The following BOC variants were observed in gnomAD, a reference collection of about 807,000 sequenced individuals.
BOC encodes BOC cell adhesion associated, oncogene regulated, also known as brother of CDO.
Under a neutral mutation model 112.0 loss-of-function variants are expected in BOC, and 76 were observed. That is an observed-to-expected ratio of 0.68 (90% CI 0.56 to 0.82). BOC has a LOEUF of 0.82. BOC is among the 40% of genes least tolerant of loss of function. The pLI is 0.00. For synonymous variants in BOC, 580 were observed against 599.8 expected (o/e 0.97, Z 0.48); for missense variants, 1,309 against 1,511.7 (o/e 0.87, Z 2.22).
chr3:113,286,247 G>A (rs1472104562), intron 19 of BOC, among the ~76,000 whole-genome samples: 1 of 152,100 alleles, frequency 6.6e-6, no homozygotes, highest in Non-Finnish European at 1.5e-5. Context: ...AAGATGCTGG[G>A]TCCTAAAGCT....
intron 19 of BOC, 94 bp downstream of exon 19, chr3:113,285,659 G>A: frequency 1.6e-6 from 2 of 1,259,668 alleles, no homozygotes; most frequent in East Asian, 2.7e-5. Flanking sequence ...TCAAAGGTGG[G>A]GCTTGGTAAG....
chr3:113,243,117 T>G (rs1367828788), intron 2 of BOC, among the ~76,000 whole-genome samples: 1 of 152,136 alleles, frequency 6.6e-6, no homozygotes, highest in Non-Finnish European at 1.5e-5. Context: ...CTCCCTTAAG[T>G]GGATTTACAG....
chr3:113,285,685 T>C (rs1387933326), intron 19 of BOC, 120 bp downstream of exon 19: 10 of 1,031,758 alleles, frequency 9.7e-6, no homozygotes, highest in Non-Finnish European at 1.4e-5. Flanking sequence ...AGCCACAGCA[T>C]TTATGTGGGA....
At chr3:113,268,820 C>A (rs1947801214) in intron 5 of BOC, among the ~76,000 whole-genome samples, 1 of 152,196 alleles carries the variant, frequency 6.6e-6, no homozygotes, top group South Asian at 2.1e-4. Context: ...GTTGCCCAGG[C>A]TGGTCTAGAA....
intron 7 of BOC, 92 bp downstream of exon 7, chr3:113,272,795 G>A: frequency 6.9e-7 from 1 of 1,454,662 alleles, no homozygotes; most frequent in Non-Finnish European, 9.3e-7. Context: ...CAAAGGGTTA[G>A]CATCTTGTGA....
Position 113,236,290 on chromosome 3 carries a change from A to ATATATATATATATATACCCATGGG in BOC, c.-81-13416_-81-13415insCCCATGGGTATATATATATATATA, listed in dbSNP as rs1553726885. ...TGTATATATACCCATGGGTATATATATATATATATATATATATATATACCC... is the reference window on the plus strand; with the variant it reads ...TGTATATATACCCATGGGTATATATATATATATATATATATACCCATGGGTATATATATATATATATATATACCC... On this transcript the variant is annotated intron_variant, in intron 2 of 19. Transcript: ENST00000682979. 5.4e-3 allele frequency among the ~76,000 whole-genome samples: 216 copies of ATATATATATATATATACCCATGGG among 39,638 alleles called. 16 individuals carry two copies. The highest frequency in any genetic ancestry group is 0.038 in the South Asian group (30 of 794). The allele number at this position is 39,638 out of a possible 152,430, so 26.0% of individuals were successfully genotyped here.
chr3:113,245,905 A>C (rs1185358669), intron 2 of BOC, among the ~76,000 whole-genome samples: 1 of 152,220 alleles, frequency 6.6e-6, no homozygotes, highest in African/African-American at 2.4e-5. Flanking sequence ...ATGGGCGTCC[A>C]GGGGATGAGC....
chr3:113,260,383 A>C (rs1214602745), intron 4 of BOC, among the ~76,000 whole-genome samples: 1 of 152,270 alleles, frequency 6.6e-6, no homozygotes, highest in Non-Finnish European at 1.5e-5. Flanking sequence ...AGAAAGACTT[A>C]GAAAAATTGA....
intron 2 of BOC, among the ~76,000 whole-genome samples, chr3:113,234,315 G>T (rs187453459): frequency 6.6e-6 from 1 of 152,254 alleles, no homozygotes; most frequent in East Asian, 1.9e-4. Flanking sequence ...AGCTACATTG[G>T]AGAACTGACC....
At chr3:113,224,594 T>A (rs1941340582) in intron 2 of BOC, among the ~76,000 whole-genome samples, 2 of 152,060 alleles carry the variant, frequency 1.3e-5, no homozygotes, top group Non-Finnish European at 2.9e-5. Context: ...ACGTGGACCA[T>A]CTGATCCAGG....
chr3:113,286,606 C>T, intron 19 of BOC, 69 bp from the exon 20 acceptor site: 1 of 1,325,206 alleles, frequency 7.5e-7, no homozygotes, highest in Non-Finnish European at 1.0e-6. Flanking sequence ...AGAGATTGGC[C>T]CAGTGTCACT....
Position 113,247,015 on chromosome 3 carries a change from G to C in BOC, c.-81-2707G>C, listed in dbSNP as rs562156942. Among the ~76,000 whole-genome samples, 8 of 152,308 alleles carry C rather than the reference G, an allele frequency of 5.3e-5. No individual in the cohort carries two copies. The South Asian group carries it at 1.7e-3, about 32-fold the overall frequency. On this transcript the variant is annotated intron_variant, in intron 2 of 19. Coordinates refer to ENST00000682979, the MANE Select transcript of BOC (RefSeq NM_001378074.1). ...AGAGGGTCTGGGCTGAATTTCCTCA[G>C]TAAAATATTTGTTGCTGTTACAACC...
In BOC at chr3:113,256,755, ATGTG is replaced by A. The variant is rs142653702; in HGVS notation, c.376+5934_376+5937del. On this transcript the variant is annotated intron_variant, in intron 4 of 19. Transcript: ENST00000682979. Reference sequence around the variant, plus strand: ...GAGAAGCAGAACCAATAATACATATATGTGTGTGTGTGTGTATATATATATGTAT... The same window carrying A: ...GAGAAGCAGAACCAATAATACATATATGTGTGTGTGTATATATATATGTAT... Among the ~76,000 whole-genome samples, 983 of 151,300 alleles carry A rather than the reference ATGTG, an allele frequency of 6.5e-3. 13 individuals are homozygous for A. The highest frequency in any genetic ancestry group is 0.023 in the African/African-American group (931 of 41,202).
chr3:113,267,106 C>A (rs375919028), intron 4 of BOC, among the ~76,000 whole-genome samples: 1 of 152,172 alleles, frequency 6.6e-6, no homozygotes, highest in Non-Finnish European at 1.5e-5. Context: ...GGCCAGTATT[C>A]GGAGAAGGTG....
chr3:113,252,779 G>A (rs1239162058), intron 4 of BOC, among the ~76,000 whole-genome samples: 1 of 152,198 alleles, frequency 6.6e-6, no homozygotes, highest in Non-Finnish European at 1.5e-5. Flanking sequence ...TCCTCTTTGT[G>A]GCAGAAGGGT....
At chr3:113,229,596 G>T (rs1241106797) in intron 2 of BOC, among the ~76,000 whole-genome samples, 2 of 152,128 alleles carry the variant, frequency 1.3e-5, no homozygotes, top group Admixed American at 1.3e-4. Flanking sequence ...TTATTTCTGT[G>T]CAAAGAAGAG....
chr3:113,256,420 C>T (rs1166996126), intron 4 of BOC, among the ~76,000 whole-genome samples: 7 of 152,196 alleles, frequency 4.6e-5, no homozygotes, highest in African/African-American at 1.7e-4. Context: ...GTCAGTGTAG[C>T]CCGCAGAGCT....
chr3:113,258,819 T>C (rs577207960), intron 4 of BOC, among the ~76,000 whole-genome samples: 89 of 152,368 alleles, frequency 5.8e-4, no homozygotes, highest in Non-Finnish European at 9.7e-4. Flanking sequence ...CCATAAGTTA[T>C]GTGTATTTTA....
chr3:113,228,468 CCT>C (rs1301406355), intron 2 of BOC, among the ~76,000 whole-genome samples: 4 of 152,020 alleles, frequency 2.6e-5, no homozygotes, highest in African/African-American at 9.7e-5. Context: ...ATTAATAGGC[CCT>C]GGGTGAGGTA....
Sources: gnomAD v4.1 joint callset for allele counts (sites outside exome capture counted in the v4.1 genomes callset) on GRCh38, gnomAD v4.1.1 for gene constraint, MANE v1.5 for transcripts, NCBI Gene and HGNC (gene_info 2026-07-23, HGNC 2026-07-21) for gene names.